Variants in PPP2R2C observed in about 807,000 individuals in gnomAD.
PPP2R2C encodes the protein protein phosphatase 2 regulatory subunit Bgamma.
PPP2R2C carries 10 observed loss-of-function variants against 45.3 expected under a neutral mutation model. The observed-to-expected ratio is 0.22, with a 90% CI of 0.14 to 0.37. The LOEUF (loss-of-function observed/expected upper bound fraction) is 0.37, where lower values mean the gene tolerates loss of function less well. Among genes scored for constraint, PPP2R2C ranks in the 10% least tolerant of loss-of-function variants. PPP2R2C has a pLI of 1.00. For missense variants in PPP2R2C, 308 were observed against 619.7 expected, an observed-to-expected ratio of 0.50 and a Z score of 5.34; for synonymous variants, 257 against 245.4, an observed-to-expected ratio of 1.05 and a Z score of -0.44.
chr4:6,539,631 C>A (rs578007119), intron 1 of PPP2R2C, among the ~76,000 whole-genome samples: 25 of 152,312 alleles, frequency 1.6e-4, no homozygotes, highest in African/African-American at 5.8e-4. Flanking sequence ...AAGTTCTTCT[C>A]AAGCCCAGAC....
intron 2 of PPP2R2C, among the ~76,000 whole-genome samples, chr4:6,525,905 T>C (rs553087717): frequency 6.6e-6 from 1 of 152,222 alleles, no homozygotes; most frequent in Non-Finnish European, 1.5e-5. Context: ...CGTTTCACCA[T>C]GTTGGCCAGG....
chr4:6,396,473 G>A (rs1003033696), intron 1 of PPP2R2C, among the ~76,000 whole-genome samples: 1 of 152,200 alleles, frequency 6.6e-6, no homozygotes, highest in African/African-American at 2.4e-5. Flanking sequence ...CTGCCCATGG[G>A]TTATCGGGCT....
intron 1 of PPP2R2C, among the ~76,000 whole-genome samples, chr4:6,463,017 G>A (rs1403467856): frequency 3.3e-5 from 5 of 152,198 alleles, no homozygotes; most frequent in Non-Finnish European, 7.3e-5. Flanking sequence ...GAGGGGGGAA[G>A]GTGCACTCCC....
intron 1 of PPP2R2C, chr4:6,384,898 T>A (rs1716111507): frequency 1.0e-6 from 1 of 965,692 alleles, no homozygotes; most frequent in South Asian, 4.8e-5. Context: ...GTGCTTCAGC[T>A]GTGTGGTCTT....
intron 2 of PPP2R2C, among the ~76,000 whole-genome samples, chr4:6,497,491 C>CCCTA (rs1479398042): frequency 1.3e-5 from 2 of 152,156 alleles, no homozygotes; most frequent in East Asian, 3.9e-4. Flanking sequence ...AAATTAAAAT[C>CCCTA]CCTACCTCAA....
chr4:6,358,501 T>A (rs929091480), intron 5 of PPP2R2C, among the ~76,000 whole-genome samples: 1 of 128,756 alleles, frequency 7.8e-6, no homozygotes. Context: ...CTAATTAAAC[T>A]AAAGAGCTTC....
At chr4:6,512,512 TTGGTGG>T (rs1213444911) in intron 2 of PPP2R2C, among the ~76,000 whole-genome samples, 11 of 12,828 alleles carry the variant, frequency 8.6e-4, no homozygotes, top group Non-Finnish European at 1.1e-3. Context: ...GGTGGTGATG[TTGGTGG>T]TGGTGGTGGT....
In PPP2R2C at chr4:6,329,466, G is replaced by A. The variant is rs145640415; in HGVS notation, c.961-113C>T. On this transcript the variant is annotated intron_variant, in intron 7 of 8. Transcript: ENST00000382599. The surrounding 1 kb of genome is among the most constrained non-coding windows in gnomAD (Gnocchi z 5.8). ...TCTGCATGCCCTGACATGGCCCAGC[G>A]CAGACCTGCTCATCTCAGCGAGGGT... The A allele has an allele frequency of 2.3e-4, 200 of 853,598 alleles. No homozygotes were observed. In the African/African-American group the frequency reaches 2.9e-3, roughly 12 times the overall value. 52.9% of individuals were successfully genotyped at this position (853,598 alleles called of 1,614,324 possible).
Position 6,454,345 on chromosome 4 carries a change from T to G in PPP2R2C, c.70+17815A>C, listed in dbSNP as rs1007310251. Among the ~76,000 whole-genome samples the G allele has an allele frequency of 5.3e-5, 8 of 152,252 alleles. No individual in the cohort carries two copies. In the South Asian group the frequency reaches 1.5e-3, roughly 28 times the overall value. On this transcript the variant is annotated intron_variant, in intron 1 of 8. Coordinates refer to ENST00000382599, the MANE Select transcript of PPP2R2C (RefSeq NM_020416.4). ...CGGCCTGTGACTTGCTTGAACTAAA[T>G]GAAGGTGACACAATTGACACTGAGA...
Position 6,323,045 on chromosome 4 carries a change from A to G in PPP2R2C, c.*257T>C. On this transcript the variant is annotated 3_prime_UTR_variant, in exon 9 of 9. Transcript: ENST00000382599. ...ACTGTAAGACTCCACAGTCATGTCC[A>G]TTTTATGATTTGTGGCGGTGAACGC... 2.4e-6 allele frequency: 1 copy of G among 414,720 alleles called. No individual in the cohort carries two copies. The highest frequency in any genetic ancestry group is 4.3e-6 in the Non-Finnish European group (1 of 234,136). 25.7% of individuals were successfully genotyped at this position (414,720 alleles called of 1,614,324 possible). A position where few individuals can be genotyped will look rare whatever the true frequency, so the allele number is the denominator to read the frequency against.
At chr4:6,335,946 C>G (rs1322578158) in intron 6 of PPP2R2C, among the ~76,000 whole-genome samples, 1 of 152,082 alleles carries the variant, frequency 6.6e-6, no homozygotes, top group Admixed American at 6.5e-5. Flanking sequence ...CTTAGCCTCT[C>G]CACAGCCTCT....
intron 1 of PPP2R2C, among the ~76,000 whole-genome samples, chr4:6,463,997 T>C (rs552703268): frequency 1.3e-5 from 2 of 152,286 alleles, no homozygotes; most frequent in African/African-American, 4.8e-5. Flanking sequence ...CCCAGCCAAT[T>C]AATGTAGCAG....
intron 1 of PPP2R2C, among the ~76,000 whole-genome samples, chr4:6,430,076 G>A (rs779254473): frequency 6.6e-6 from 1 of 151,972 alleles, no homozygotes; most frequent in East Asian, 1.9e-4. Flanking sequence ...CTCATAAGTG[G>A]GCCACGATCA....
intron 1 of PPP2R2C, among the ~76,000 whole-genome samples, chr4:6,392,865 G>A (rs1462572108): frequency 5.3e-5 from 8 of 152,182 alleles, no homozygotes; most frequent in South Asian, 2.1e-4. Context: ...GGTGACTCTC[G>A]GGTTTGTTAA....
intron 1 of PPP2R2C, among the ~76,000 whole-genome samples, chr4:6,543,415 G>A (rs1313373621): frequency 6.6e-6 from 1 of 152,064 alleles, no homozygotes; most frequent in Non-Finnish European, 1.5e-5. Flanking sequence ...AAATGGCAAT[G>A]GTTAAAAAAA....
At chr4:6,350,527 T>G in intron 5 of PPP2R2C, 1 of 985,294 alleles carries the variant, frequency 1.0e-6, no homozygotes, top group African/African-American at 1.7e-5. Flanking sequence ...CCACAGGAGT[T>G]CTGTTTGCGT....
chr4:6,327,039 T>C (rs992253169), intron 8 of PPP2R2C, among the ~76,000 whole-genome samples: 1 of 152,200 alleles, frequency 6.6e-6, no homozygotes, highest in Non-Finnish European at 1.5e-5. Context: ...TCTGTTTATC[T>C]TGGGACCCCT....
rs1248310365 is a variant in PPP2R2C at position 6,364,968 on chromosome 4, C to G, written c.625+7555G>C. On this transcript the variant is annotated intron_variant, in intron 5 of 8. Transcript: ENST00000382599. The surrounding 1 kb of genome is among the most constrained non-coding windows in gnomAD (Gnocchi z 5.3). ...AGTTCACCTGGATAGCATCAGGATC[C>G]CCATTCACTCAGAAAGTGCCTTTGT... Among the ~76,000 whole-genome samples the G allele has an allele frequency of 1.3e-5, 2 of 152,162 alleles. No homozygotes were observed. Among genetic ancestry groups the G allele is most frequent in the African/African-American group, 4.8e-5 (2 of 41,434 alleles).
Position 6,432,609 on chromosome 4 carries a change from G to T in PPP2R2C, c.70+39551C>A, listed in dbSNP as rs552520223. Among the ~76,000 whole-genome samples, 17 of 152,292 alleles carry T rather than the reference G, an allele frequency of 1.1e-4. No individual in the cohort carries two copies. The South Asian group carries it at 1.7e-3, about 15-fold the overall frequency. On this transcript the variant is annotated intron_variant, in intron 1 of 8. Coordinates refer to ENST00000382599, the MANE Select transcript of PPP2R2C (RefSeq NM_020416.4). ...AGTAATATGGTGCACAGGTCACCTA[G>T]GACATCTGTCACCCCCAAGGGCTTC...
Sources: allele counts gnomAD v4.1 joint callset (sites outside exome capture counted in the v4.1 genomes callset), GRCh38; gene constraint gnomAD v4.1.1; non-coding constraint Gnocchi (gnomAD v3.1); transcripts MANE v1.5; gene names NCBI Gene and HGNC (gene_info 2026-07-23, HGNC 2026-07-21).